Variants in KIF24 observed in about 807,000 individuals in gnomAD.
KIF24 encodes kinesin family member 24, also known as kinesin-like protein KIF24.
In KIF24, 81 loss-of-function variants were observed where a neutral mutation model predicts 118.9. The observed-to-expected ratio is 0.68, with a 90% CI of 0.57 to 0.82. The LOEUF (loss-of-function observed/expected upper bound fraction) is 0.82. Among genes scored for constraint, KIF24 ranks in the 40% least tolerant of loss-of-function variants. KIF24 has a pLI of 0.00. For missense variants in KIF24, 1,560 were observed against 1,661.6 expected, an observed-to-expected ratio of 0.94 and a Z score of 1.06; for synonymous variants, 599 against 610.0, an observed-to-expected ratio of 0.98 and a Z score of 0.27.
At chr9:34,319,272 GA>G in intron 1 of KIF24, 1 of 1,146,524 alleles carries the variant, frequency 8.7e-7, no homozygotes, top group Non-Finnish European at 1.3e-6. Flanking sequence ...AAGAGCAGCT[GA>G]AGATCTGGAT....
In KIF24 at chr9:34,254,445, G is replaced by A; in HGVS notation, c.4042C>T (p.Gln1348Ter). 1.2e-6 allele frequency: 2 copies of A among 1,613,940 alleles called. No individual in the cohort carries two copies. The highest frequency in any genetic ancestry group is 2.2e-5 in the East Asian group (1 of 44,888). ...TGGCAGGTGAGATAGAGCTGCAGCTGGCTCCTCAGACTCTGGATACACTTG... is the reference window on the plus strand; with the variant it reads ...TGGCAGGTGAGATAGAGCTGCAGCTAGCTCCTCAGACTCTGGATACACTTG... ...KSKCIQSLRS[Q>*]LQLYLTCHGP... The change falls in exon 13 of 13, where the codon CAG (glutamine) becomes TAG (stop). Residue 1348 changes from glutamine (Q) to a stop codon, truncating the protein, a stop_gained. Coordinates refer to ENST00000402558, the MANE Select transcript of KIF24 (RefSeq NM_194313.4). LOFTEE classifies it high-confidence loss of function.
intron 2 of KIF24, among the ~76,000 whole-genome samples, chr9:34,309,527 C>A (rs1376105584): frequency 7.6e-6 from 1 of 132,320 alleles, no homozygotes; most frequent in African/African-American, 2.8e-5. Flanking sequence ...GGCGACAGTG[C>A]GAGACTCCGT....
In KIF24 at chr9:34,253,646, A is replaced by AAAGTATCG. The variant is rs1259429658; in HGVS notation, c.*733_*734insCGATACTT. ...CATGAGAGTATCGGGCATTGTACAG[A>AAAGTATCG]GGCCTTTCACCCGAGCAAAAGTCAG... On this transcript the variant is annotated 3_prime_UTR_variant, in exon 13 of 13. Transcript: ENST00000402558. 6.6e-6 allele frequency: 1 copy of AAAGTATCG among 152,214 alleles called. No homozygotes were observed. Among genetic ancestry groups the AAAGTATCG allele is most frequent in the African/African-American group, 2.4e-5 (1 of 41,414 alleles). 9.4% of individuals were successfully genotyped at this position (152,214 alleles called of 1,614,324 possible). A position where few individuals can be genotyped will look rare whatever the true frequency, so the allele number is the denominator to read the frequency against.
At position 34,271,867 on chromosome 9, in the gene KIF24, G is replaced by A. The variant is rs778317293; in HGVS notation, c.1279C>T (p.Arg427Cys). 2.5e-6 allele frequency: 4 copies of A among 1,610,842 alleles called. No homozygotes were observed. The highest frequency in any genetic ancestry group is 2.7e-5 in the African/African-American group (2 of 75,004). The change falls in exon 7 of 13, where the codon CGC (arginine) becomes TGC (cysteine). Residue 427 changes from arginine to cysteine, a missense_variant. Around this residue, in one of 3 missense-constraint regions of KIF24, gnomAD observed 964 missense variants for 988.0 expected, o/e 0.98. Transcript: ENST00000402558. ...GATGVNADSSRSHAVIQIQIK... is the reference protein window; with the variant it reads ...GATGVNADSSCSHAVIQIQIK... ...TGAATTTGGATGACGGCATGGGAGC[G>A]GGAGGAGTCTGCATTAACTCCAGTG... is the stretch of plus-strand genomic sequence containing the variant.
In KIF24 at chr9:34,310,938, G is replaced by A; in HGVS notation, c.409C>T (p.Leu137=). The change falls in exon 2 of 13, where the codon CTA becomes TTA. Residue 137 remains leucine (L), a synonymous_variant. Transcript: ENST00000402558. ...GAATCATCTGGTAGCATGTGTTCTAGCACTTTTAGGTAAGTGGACTTCTGT... is the reference window on the plus strand; with the variant it reads ...GAATCATCTGGTAGCATGTGTTCTAACACTTTTAGGTAAGTGGACTTCTGT... ...NEQKSTYLKV[L]EHMLPDDSQY... is the part of the protein sequence containing the mutation. 1 of 1,613,674 alleles carries A rather than the reference G, an allele frequency of 6.2e-7. No homozygotes were observed. Among genetic ancestry groups the A allele is most frequent in the Non-Finnish European group, 8.5e-7 (1 of 1,179,596 alleles).
In KIF24 at chr9:34,252,536, A is replaced by G. The variant is rs541784216; in HGVS notation, c.*1844T>C. 6.5e-6 allele frequency: 1 copy of G among 152,796 alleles called. No homozygotes were observed. The highest frequency in any genetic ancestry group is 2.4e-5 in the African/African-American group (1 of 41,584). The allele number at this position is 152,796 out of a possible 1,614,324, so 9.5% of individuals were successfully genotyped here. A position where few individuals can be genotyped will look rare whatever the true frequency, so the allele number is the denominator to read the frequency against. ...AATCTAAAAGGTATGTCTTGGTGTG[A>G]TAACTTCTTTATTACCAAGGCTGTT... On this transcript the variant is annotated 3_prime_UTR_variant, in exon 13 of 13. Coordinates refer to ENST00000402558, the MANE Select transcript of KIF24 (RefSeq NM_194313.4).
At chr9:34,284,103 A>G (rs1335797235) in intron 6 of KIF24, among the ~76,000 whole-genome samples, 1 of 151,728 alleles carries the variant, frequency 6.6e-6, no homozygotes, top group Non-Finnish European at 1.5e-5. Flanking sequence ...CCCTGTCTCT[A>G]CAAAGAATAA....
At chr9:34,261,316 T>G (rs1835046970) in intron 9 of KIF24, among the ~76,000 whole-genome samples, 1 of 152,182 alleles carries the variant, frequency 6.6e-6, no homozygotes, top group Non-Finnish European at 1.5e-5. Context: ...CACAACTGTC[T>G]TCACAGCTGT....
In KIF24 at chr9:34,252,981, A is replaced by AAG; in HGVS notation, c.*1398_*1399insCT. ...AAGTAAGTTTTTGTCCTTGACCTTA[A>AAG]TACTGTGCCATTGTCCCACTTGAGC... is the stretch of plus-strand genomic sequence containing the variant. On this transcript the variant is annotated 3_prime_UTR_variant, in exon 13 of 13. Coordinates refer to ENST00000402558, the MANE Select transcript of KIF24 (RefSeq NM_194313.4). The AAG allele has an allele frequency of 6.6e-6, 1 of 152,540 alleles. No individual in the cohort carries two copies. The highest frequency in any genetic ancestry group is 2.9e-3 in the Middle Eastern group (1 of 340). The allele number at this position is 152,540 out of a possible 1,614,324, so 9.4% of individuals were successfully genotyped here.
At chr9:34,260,108 C>G (rs1835000142) in intron 9 of KIF24, among the ~76,000 whole-genome samples, 1 of 152,090 alleles carries the variant, frequency 6.6e-6, no homozygotes, top group South Asian at 2.1e-4. Flanking sequence ...TCTGTAGTCC[C>G]AGCTACTCAA....
intron 5 of KIF24, among the ~76,000 whole-genome samples, chr9:34,287,541 T>C (rs939538716): frequency 1.1e-4 from 16 of 152,308 alleles, no homozygotes; most frequent in African/African-American, 3.8e-4. Flanking sequence ...AATAAGATAC[T>C]GATTAGGGTT....
chr9:34,332,484 C>A (rs1428120520), upstream of KIF24, among the ~76,000 whole-genome samples: 1 of 152,176 alleles, frequency 6.6e-6, no homozygotes, highest in Non-Finnish European at 1.5e-5. Context: ...ATCTGTCAAT[C>A]CTTCACACTG....
At chr9:34,285,849 G>T (rs1345957652) in intron 6 of KIF24, among the ~76,000 whole-genome samples, 1 of 148,608 alleles carries the variant, frequency 6.7e-6, no homozygotes, top group Non-Finnish European at 1.5e-5. Flanking sequence ...AGCTACTTGG[G>T]AGGCTGAAGT....
chr9:34,299,816 G>A (rs557646730), intron 3 of KIF24, among the ~76,000 whole-genome samples: 3 of 74,710 alleles, frequency 4.0e-5, no homozygotes, highest in African/African-American at 6.8e-5. Context: ...GTGTGTGTGT[G>A]TGTGTGCGTG....
rs571710886 is a variant in KIF24, at chr9:34,320,190, T to A, written c.-25-8819A>T. On this transcript the variant is annotated intron_variant, in intron 1 of 12. Coordinates refer to ENST00000402558, the MANE Select transcript of KIF24 (RefSeq NM_194313.4). The stretch of plus-strand genomic sequence containing the variant: ...GGACAGGCTTCTGGGCAGACTCTGG[T>A]CAAGAATGGCGTCATGGGGATGAAC... Among the ~76,000 whole-genome samples the A allele has an allele frequency of 4.6e-5, 7 of 152,194 alleles. No individual in the cohort carries two copies. In the East Asian group the frequency reaches 1.2e-3, roughly 25 times the overall value.
upstream of KIF24, among the ~76,000 whole-genome samples, chr9:34,331,388 T>G (rs1408011691): frequency 6.6e-6 from 1 of 152,238 alleles, no homozygotes; most frequent in Non-Finnish European, 1.5e-5. Flanking sequence ...AGGTGTTAAC[T>G]TCATTTTACA....
At chr9:34,294,543 C>T (rs558898888) in intron 4 of KIF24, among the ~76,000 whole-genome samples, 37 of 70,488 alleles carry the variant, frequency 5.2e-4, no homozygotes, top group East Asian at 2.0e-3. Context: ...AGTGAAACTC[C>T]GTCTCAAAAA....
At chr9:34,330,743 C>T (rs1444916918), upstream of KIF24, among the ~76,000 whole-genome samples, 2 of 152,152 alleles carry the variant, frequency 1.3e-5, no homozygotes, top group African/African-American at 2.4e-5. Flanking sequence ...GGGCGGATCA[C>T]GAGGTCAGGA....
At chr9:34,329,043 C>A (rs989751378) in intron 1 of KIF24, among the ~76,000 whole-genome samples, 63 bp downstream of exon 1, 3 of 152,260 alleles carry the variant, frequency 2.0e-5, no homozygotes, top group African/African-American at 4.8e-5. Context: ...CCCGTGTCCG[C>A]GGGCAGGCGC....
Sources: gnomAD v4.1 joint callset for allele counts (sites outside exome capture counted in the v4.1 genomes callset) on GRCh38, gnomAD v4.1.1 for gene constraint, gnomAD v4.1.1 regional missense constraint, MANE v1.5 for transcripts, NCBI Gene and HGNC (gene_info 2026-07-23, HGNC 2026-07-21) for gene names.